Variants in IL4R observed in about 807,000 individuals in gnomAD.
IL4R encodes the protein interleukin 4 receptor, also known as interleukin-4 receptor subunit alpha.
IL4R carries 17 observed loss-of-function variants against 41.5 expected under a neutral mutation model. The observed-to-expected ratio is 0.41, with a 90% CI of 0.28 to 0.61. IL4R has a LOEUF of 0.61. Ranked by LOEUF, IL4R falls within the 20% of genes least tolerant of loss-of-function variation. The pLI, the probability that IL4R is intolerant of heterozygous loss-of-function variation, is 0.31. For missense variants in IL4R, 974 were observed against 1,043.1 expected, an observed-to-expected ratio of 0.93 and a Z score of 0.91; for synonymous variants, 402 against 422.9, an observed-to-expected ratio of 0.95 and a Z score of 0.61.
In IL4R at chr16:27,344,878, G is replaced by T; in HGVS notation, c.219G>T (p.Thr73=). The T allele has an allele frequency of 6.2e-7, 1 of 1,614,176 alleles. No homozygotes were observed. Among genetic ancestry groups the T allele is most frequent in the Non-Finnish European group, 8.5e-7 (1 of 1,180,032 alleles). Residue 73 remains threonine (T), a synonymous_variant, in exon 5 of 11, where the codon ACG becomes ACT. Coordinates refer to ENST00000395762, the MANE Select transcript of IL4R (RefSeq NM_000418.4). ...GCCCCTGTGTCTGCAGAGCCCACACGTGTATCCCTGAGAACAACGGAGGCG... is the reference window on the plus strand; with the variant it reads ...GCCCCTGTGTCTGCAGAGCCCACACTTGTATCCCTGAGAACAACGGAGGCG... ...QLVFLLSEAH[T]CIPENNGGAG... is the part of the protein sequence containing the mutation.
intron 1 of IL4R, among the ~76,000 whole-genome samples, chr16:27,319,578 C>T (rs1258168873): frequency 6.6e-6 from 1 of 152,216 alleles, no homozygotes; most frequent in Non-Finnish European, 1.5e-5. Context: ...CAGCGCAGGA[C>T]TGGTTCCTCC....
rs1467531839 is a variant in IL4R, at chr16:27,362,736, G to A, written c.1384G>A (p.Glu462Lys). Reference protein sequence around the residue: ...GPKEAPPWGKEQPLHLEPSPP... With the variant: ...GPKEAPPWGKKQPLHLEPSPP... Reference sequence around the variant, plus strand: ...CAAGGAGGCACCTCCCTGGGGCAAGGAGCAGCCTCTCCACCTGGAGCCAAG... The same window carrying A: ...CAAGGAGGCACCTCCCTGGGGCAAGAAGCAGCCTCTCCACCTGGAGCCAAG... Residue 462 changes from glutamate (E) to lysine (K), a missense_variant, in exon 11 of 11, where the codon GAG becomes AAG. Around this residue, in one of 3 missense-constraint regions of IL4R, gnomAD observed 682 missense variants for 704.3 expected, o/e 0.97. Transcript: ENST00000395762. 1 of 1,614,056 alleles carries A rather than the reference G, an allele frequency of 6.2e-7. No homozygotes were observed. Among genetic ancestry groups the A allele is most frequent in the Admixed American group, 1.7e-5 (1 of 60,016 alleles).
At chr16:27,321,585 C>T (rs1358498762) in intron 1 of IL4R, among the ~76,000 whole-genome samples, 1 of 152,180 alleles carries the variant, frequency 6.6e-6, no homozygotes, top group African/African-American at 2.4e-5. Flanking sequence ...GCTAAAATCT[C>T]CATGTTTCTC....
rs117107667 is a variant in IL4R, at chr16:27,319,846, C to T, written c.-152+5826C>T. 5.1e-4 allele frequency among the ~76,000 whole-genome samples: 77 copies of T among 152,284 alleles called. 1 individual carries two copies. In the East Asian group the frequency reaches 0.014, roughly 27 times the overall value. ...AGCACAAACCCTTTTGTGAACTGCA[C>T]ATGTGAGGGATCTGGGTTGCGTACT... On this transcript the variant is annotated intron_variant, in intron 1 of 10. Transcript: ENST00000395762.
At position 27,344,903 on chromosome 16, in the gene IL4R, G is replaced by C. The variant is rs144651842; in HGVS notation, c.244G>C (p.Ala82Pro). ...HTCIPENNGGAGCVCHLLMDD... is the reference protein window; with the variant it reads ...HTCIPENNGGPGCVCHLLMDD... ...GTGTATCCCTGAGAACAACGGAGGC[G>C]CGGGGTGCGTGTGCCACCTGCTCAT... The change falls in exon 5 of 11, where the codon GCG becomes CCG. Residue 82 changes from alanine to proline, a missense_variant. Ala to Pro is a conservative substitution (Grantham distance 27). Around this residue, in one of 3 missense-constraint regions of IL4R, gnomAD observed 284 missense variants for 313.4 expected, o/e 0.91. Transcript: ENST00000395762. The C allele has an allele frequency of 6.8e-6, 11 of 1,614,220 alleles. No homozygotes were observed. The East Asian group carries it at 1.1e-4, about 16-fold the overall frequency.
At chr16:27,356,663 G>A (rs1438753555) in intron 8 of IL4R, among the ~76,000 whole-genome samples, 1 of 152,090 alleles carries the variant, frequency 6.6e-6, no homozygotes, top group African/African-American at 2.4e-5. Context: ...TGGGTGCCTG[G>A]GCAACTGGGG....
At chr16:27,357,429 G>A (rs1003512728) in intron 8 of IL4R, among the ~76,000 whole-genome samples, 5 of 152,060 alleles carry the variant, frequency 3.3e-5, no homozygotes, top group African/African-American at 1.2e-4. Flanking sequence ...ACAGGCGCTT[G>A]CCACCACACC....
intron 2 of IL4R, among the ~76,000 whole-genome samples, chr16:27,337,001 T>C (rs12708700): frequency 0.18 from 27,060 of 151,830 alleles, 3,090 homozygotes; most frequent in African/African-American, 0.31. Flanking sequence ...CGCTTGAACC[T>C]GGGAGGCGGA....
chr16:27,345,084 T>C lies in IL4R; in HGVS notation c.361+64T>C. ...TTCCCACAGCTGCCTGGGCTGAGGG[T>C]GGGGTGGGCAGGGGAGGAGGTGGGG... On this transcript the variant is annotated intron_variant, in intron 5 of 10. Transcript: ENST00000395762. The surrounding 1 kb of genome is among the most constrained non-coding windows in gnomAD (Gnocchi z 4.5). 3.1e-6 allele frequency: 1 copy of C among 323,156 alleles called. No individual in the cohort carries two copies. The highest frequency in any genetic ancestry group is 6.3e-6 in the Non-Finnish European group (1 of 158,540). The allele number at this position is 323,156 out of a possible 1,614,324, so 20.0% of individuals were successfully genotyped here.
At chr16:27,323,928 T>C (rs1418491146) in intron 1 of IL4R, among the ~76,000 whole-genome samples, 1 of 152,134 alleles carries the variant, frequency 6.6e-6, no homozygotes, top group Non-Finnish European at 1.5e-5. Flanking sequence ...CAAATGGCTG[T>C]GATTACAGGT....
chr16:27,356,083 TC>T (rs375327237), intron 8 of IL4R, among the ~76,000 whole-genome samples, 176 bp downstream of exon 8: 3 of 51,646 alleles, frequency 5.8e-5, no homozygotes, highest in Non-Finnish European at 1.1e-4. Flanking sequence ...CCCACTTTTT[TC>T]TTTTTTTTTT....
intron 2 of IL4R, among the ~76,000 whole-genome samples, chr16:27,337,292 C>T (rs1269510255): frequency 6.6e-6 from 1 of 151,956 alleles, no homozygotes; most frequent in Non-Finnish European, 1.5e-5. Context: ...TATGATGCCC[C>T]AGACACTGCA....
intron 2 of IL4R, among the ~76,000 whole-genome samples, chr16:27,336,113 ATAT>A (rs1203060179): frequency 2.6e-5 from 4 of 152,172 alleles, no homozygotes; most frequent in African/African-American, 4.8e-5. Context: ...TAAGTTGAAA[ATAT>A]TATTAAGTCA....
intron 2 of IL4R, among the ~76,000 whole-genome samples, chr16:27,330,760 G>T (rs2085091921): frequency 6.6e-6 from 1 of 152,036 alleles, no homozygotes; most frequent in African/African-American, 2.4e-5. Flanking sequence ...CATTTCCATG[G>T]TTATGTGATT....
intron 8 of IL4R, among the ~76,000 whole-genome samples, 177 bp downstream of exon 8, chr16:27,356,084 C>CTTTTT (rs36125482): frequency 1.2e-4 from 14 of 113,716 alleles, no homozygotes; most frequent in African/African-American, 3.4e-4. Context: ...CCACTTTTTT[C>CTTTTT]TTTTTTTTTT....
At chr16:27,350,323 AAG>A (rs2085818971) in intron 6 of IL4R, among the ~76,000 whole-genome samples, 1 of 152,064 alleles carries the variant, frequency 6.6e-6, no homozygotes, top group Non-Finnish European at 1.5e-5. Context: ...AGAAAGACAA[AAG>A]AGAGTGAGAA....
At chr16:27,352,933 G>A (rs56280821) in intron 7 of IL4R, among the ~76,000 whole-genome samples, 39 of 152,290 alleles carry the variant, frequency 2.6e-4, no homozygotes, top group South Asian at 4.1e-4. Flanking sequence ...TCTTGCTCAC[G>A]TAACAAGCTA....
At chr16:27,335,300 A>G (rs2085231629) in intron 2 of IL4R, among the ~76,000 whole-genome samples, 1 of 152,168 alleles carries the variant, frequency 6.6e-6, no homozygotes, top group South Asian at 2.1e-4. Context: ...ATTAGTTAAT[A>G]TACAATACAA....
chr16:27,325,746 T>C (rs2084939841), intron 1 of IL4R, among the ~76,000 whole-genome samples: 1 of 152,084 alleles, frequency 6.6e-6, no homozygotes, highest in Non-Finnish European at 1.5e-5. Flanking sequence ...GCCTGCTGTA[T>C]GTCGGGCCCC....
Sources: allele counts gnomAD v4.1 joint callset (sites outside exome capture counted in the v4.1 genomes callset), GRCh38; gene constraint gnomAD v4.1.1; regional missense constraint gnomAD v4.1.1; non-coding constraint Gnocchi (gnomAD v3.1); transcripts MANE v1.5; gene names NCBI Gene and HGNC (gene_info 2026-07-23, HGNC 2026-07-21).